Variants in MSRA observed in about 807,000 individuals in gnomAD.
The protein encoded by MSRA is methionine sulfoxide reductase A.
MSRA carries 54 observed loss-of-function variants against 31.3 expected under a neutral mutation model. That is an observed-to-expected ratio of 1.73 (90% CI 1.39 to 2.17). MSRA has a LOEUF of 2.17. Ranked by LOEUF, MSRA falls within the 30% of genes most tolerant of loss-of-function variation. MSRA has a pLI of 0.00. For missense variants in MSRA, 507 were observed against 300.9 expected, an observed-to-expected ratio of 1.69 and a Z score of -5.07; for synonymous variants, 169 against 116.5, an observed-to-expected ratio of 1.45 and a Z score of -2.90.
intron 1 of MSRA, among the ~76,000 whole-genome samples, chr8:10,070,214 C>G (rs1367925416): frequency 6.6e-6 from 1 of 152,204 alleles, no homozygotes; most frequent in Non-Finnish European, 1.5e-5. Context: ...GGTCTTTGAT[C>G]TTTGCCAGTG....
At chr8:10,097,031 T>C (rs976195124) in intron 1 of MSRA, among the ~76,000 whole-genome samples, 2 of 152,252 alleles carry the variant, frequency 1.3e-5, no homozygotes, top group Admixed American at 6.5e-5. Flanking sequence ...TATGTAATCA[T>C]TGATTTCTTA....
intron 1 of MSRA, among the ~76,000 whole-genome samples, chr8:10,104,195 G>C (rs964843356): frequency 1.1e-4 from 16 of 152,128 alleles, no homozygotes; most frequent in African/African-American, 3.9e-4. Flanking sequence ...CTCTAGAGGA[G>C]GACTTAGAAA....
chr8:10,295,222 G>C (rs747018247), intron 3 of MSRA, among the ~76,000 whole-genome samples: 7 of 152,068 alleles, frequency 4.6e-5, no homozygotes, highest in African/African-American at 9.7e-5. Flanking sequence ...AGGGACGCCT[G>C]CTCCTCAGCT....
chr8:10,142,616 C>T (rs1240847132), intron 1 of MSRA, among the ~76,000 whole-genome samples: 1 of 152,336 alleles, frequency 6.6e-6, no homozygotes, highest in South Asian at 2.1e-4. Flanking sequence ...AACCTTCCCT[C>T]CAATCTTTAG....
intron 2 of MSRA, among the ~76,000 whole-genome samples, chr8:10,211,841 G>A (rs1288619352): frequency 6.6e-6 from 1 of 152,218 alleles, no homozygotes; most frequent in East Asian, 1.9e-4. Flanking sequence ...CCGGGTTCCA[G>A]CCTCTGCAGA....
At chr8:10,079,665 G>A (rs796762045) in intron 1 of MSRA, among the ~76,000 whole-genome samples, 7 of 152,242 alleles carry the variant, frequency 4.6e-5, no homozygotes, top group African/African-American at 1.7e-4. Context: ...ACCTTTCTTA[G>A]TCCTTCATAT....
At chr8:10,209,886 C>T (rs1308000798) in intron 2 of MSRA, among the ~76,000 whole-genome samples, 3 of 152,218 alleles carry the variant, frequency 2.0e-5, no homozygotes, top group African/African-American at 7.2e-5. Context: ...CAGAATTCTA[C>T]AGATGATAAA....
intron 3 of MSRA, among the ~76,000 whole-genome samples, chr8:10,276,259 C>A (rs1799316526): frequency 6.6e-6 from 1 of 152,226 alleles, no homozygotes; most frequent in Admixed American, 6.5e-5. Flanking sequence ...TGGCCGAGCA[C>A]ATGGTCGCAG....
intron 5 of MSRA, among the ~76,000 whole-genome samples, chr8:10,358,487 C>A (rs1343485621): frequency 6.8e-6 from 1 of 146,202 alleles, no homozygotes; most frequent in Non-Finnish European, 1.5e-5. Flanking sequence ...CTGTTAGGAA[C>A]CTGGTTGCAC....
intron 1 of MSRA, among the ~76,000 whole-genome samples, chr8:10,118,849 A>T (rs1330533838): frequency 6.6e-6 from 1 of 152,192 alleles, no homozygotes; most frequent in African/African-American, 2.4e-5. Flanking sequence ...TTGTGCTAGA[A>T]CATGTAGGAT....
chr8:10,263,651 C>G (rs539292504), intron 3 of MSRA, among the ~76,000 whole-genome samples: 1 of 152,094 alleles, frequency 6.6e-6, no homozygotes, highest in African/African-American at 2.4e-5. Flanking sequence ...ATGGCTGGCC[C>G]CTTGAGGCTT....
intron 5 of MSRA, among the ~76,000 whole-genome samples, chr8:10,395,815 T>C (rs901725852): frequency 3.9e-5 from 6 of 152,154 alleles, no homozygotes; most frequent in Admixed American, 3.9e-4. Flanking sequence ...CCATCTTCTG[T>C]GGGTTTCAGA....
intron 5 of MSRA, among the ~76,000 whole-genome samples, chr8:10,357,987 A>G (rs1480179922): frequency 6.6e-6 from 1 of 152,170 alleles, no homozygotes; most frequent in Non-Finnish European, 1.5e-5. Context: ...CAGTGGTGCT[A>G]TCTTGGCTCA....
intron 3 of MSRA, among the ~76,000 whole-genome samples, chr8:10,284,007 G>T (rs186205297): frequency 4.6e-5 from 7 of 151,564 alleles, no homozygotes; most frequent in Admixed American, 4.6e-4. Context: ...TTTCCTCTTG[G>T]TAGATAGCCA....
At chr8:10,274,779 C>T (rs920134666) in intron 3 of MSRA, among the ~76,000 whole-genome samples, 1 of 151,994 alleles carries the variant, frequency 6.6e-6, no homozygotes, top group African/African-American at 2.4e-5. Context: ...ATTCAGCCAT[C>T]TGTCCATCCA....
chr8:10,197,070 G>A (rs1035983907), intron 1 of MSRA, among the ~76,000 whole-genome samples: 2 of 152,114 alleles, frequency 1.3e-5, no homozygotes, highest in African/African-American at 4.8e-5. Flanking sequence ...ATTCACAAGG[G>A]TGTCACAGGC....
At chr8:10,104,052 A>C (rs1332137624) in intron 1 of MSRA, among the ~76,000 whole-genome samples, 1 of 152,148 alleles carries the variant, frequency 6.6e-6, no homozygotes, top group East Asian at 1.9e-4. Context: ...TCTGAGCGTT[A>C]TCTCTATTGC....
intron 5 of MSRA, among the ~76,000 whole-genome samples, chr8:10,357,012 C>T (rs1804549057): frequency 6.6e-6 from 1 of 151,804 alleles, no homozygotes. Context: ...AGCTGGCATG[C>T]TTCAGCAGTT....
intron 4 of MSRA, among the ~76,000 whole-genome samples, chr8:10,312,013 A>G (rs1175807856): frequency 6.6e-6 from 1 of 152,254 alleles, no homozygotes; most frequent in Non-Finnish European, 1.5e-5. Flanking sequence ...ACTGTATGTT[A>G]AAATCGATAG....
Sources: gnomAD v4.1 joint callset for allele counts (sites outside exome capture counted in the v4.1 genomes callset) on GRCh38, gnomAD v4.1.1 for gene constraint, MANE v1.5 for transcripts, NCBI Gene and HGNC (gene_info 2026-07-23, HGNC 2026-07-21) for gene names.